Variants in IFRD2 observed in about 807,000 individuals in gnomAD.
IFRD2 encodes interferon-related developmental regulator 2.
IFRD2 carries 35 observed loss-of-function variants against 49.2 expected under a neutral mutation model. That is an observed-to-expected ratio of 0.71 (90% CI 0.54 to 0.94). IFRD2 has a LOEUF of 0.94. Among genes scored for constraint, IFRD2 ranks in the 40% least tolerant of loss-of-function variants. The pLI, the probability that IFRD2 is intolerant of heterozygous loss-of-function variation, is 0.00. For synonymous variants in IFRD2, 275 were observed against 239.7 expected (o/e 1.15, Z -1.36); for missense variants, 561 against 591.6 (o/e 0.95, Z 0.54).
At position 50,289,243 on chromosome 3, in the gene IFRD2, T is replaced by C; in HGVS notation, c.885+12A>G. 1 of 1,559,174 alleles carries C rather than the reference T, an allele frequency of 6.4e-7. No homozygotes were observed. The highest frequency in any genetic ancestry group is 8.7e-7 in the Non-Finnish European group (1 of 1,150,882). On this transcript the variant is annotated intron_variant, in intron 8 of 11. Coordinates refer to ENST00000417626, the MANE Select transcript of IFRD2 (RefSeq NM_006764.5). ...GGTGTCACCAAGCACCCCCCATCCTTGTCCCTCGCACCTCAAGGTCCCGGG... is the reference window on the plus strand; with the variant it reads ...GGTGTCACCAAGCACCCCCCATCCTCGTCCCTCGCACCTCAAGGTCCCGGG...
Position 50,287,960 on chromosome 3 carries a change from AT to A in IFRD2, c.*230del. The stretch of plus-strand genomic sequence containing the variant: ...CCCCACAGCCCTGAGGAAGGCACAT[AT>A]TTAGCCTGGCCTGAGACAGGACAGG... On this transcript the variant is annotated 3_prime_UTR_variant, in exon 12 of 12. Transcript: ENST00000417626. 1.8e-6 allele frequency: 1 copy of A among 545,300 alleles called. No individual in the cohort carries two copies. Among genetic ancestry groups the A allele is most frequent in the South Asian group, 2.1e-5 (1 of 47,070 alleles). 33.8% of individuals were successfully genotyped at this position (545,300 alleles called of 1,614,324 possible).
rs587765208 is a variant in IFRD2, at chr3:50,292,275, G to C, written c.-1C>G. 1.3e-6 allele frequency: 2 copies of C among 1,550,950 alleles called. No individual in the cohort carries two copies. The highest frequency in any genetic ancestry group is 2.0e-5 in the Admixed American group (1 of 50,256). On this transcript the variant is annotated 5_prime_UTR_variant, in exon 1 of 12. Transcript: ENST00000417626. ...TGTTGCCCTTACGGGCGCGAGGCAT[G>C]CCGGGAACCGGGCGCGGGGGGCGCG...
chr3:50,289,240 C>T lies in IFRD2; in HGVS notation c.885+15G>A, dbSNP rs1701621596. On this transcript the variant is annotated intron_variant, in intron 8 of 11. Coordinates refer to ENST00000417626, the MANE Select transcript of IFRD2 (RefSeq NM_006764.5). ...GGTGGTGTCACCAAGCACCCCCCAT[C>T]CTTGTCCCTCGCACCTCAAGGTCCC... 2 of 1,556,884 alleles carry T rather than the reference C, an allele frequency of 1.3e-6. No homozygotes were observed. Among genetic ancestry groups the T allele is most frequent in the Non-Finnish European group, 1.7e-6 (2 of 1,149,384 alleles).
intron 1 of IFRD2, 68 bp downstream of exon 1, chr3:50,292,149 C>A: frequency 7.1e-7 from 1 of 1,414,562 alleles, no homozygotes; most frequent in Non-Finnish European, 9.2e-7. Flanking sequence ...TCGAGAACAA[C>A]CAAGGGGATC....
At chr3:50,290,117 G>T in intron 4 of IFRD2, 31 bp from the exon 5 acceptor site, 1 of 1,612,502 alleles carries the variant, frequency 6.2e-7, no homozygotes, top group South Asian at 1.1e-5. Flanking sequence ...AGCCCATGCA[G>T]CAAGGGCCAG....
At chr3:50,288,308 G>A in intron 11 of IFRD2, 37 bp from the exon 12 acceptor site, 1 of 1,609,004 alleles carries the variant, frequency 6.2e-7, no homozygotes, top group Non-Finnish European at 8.5e-7. Context: ...CTGGGGAGCT[G>A]GGAAGGGAAA....
intron 1 of IFRD2, among the ~76,000 whole-genome samples, chr3:50,290,997 TC>T (rs1191776497): frequency 7.3e-6 from 1 of 137,552 alleles, no homozygotes; most frequent in Non-Finnish European, 1.5e-5. Context: ...TGGCCTCTGC[TC>T]CCCGCCACCT....
At chr3:50,291,714 G>A (rs1329188746) in intron 1 of IFRD2, 2 of 157,284 alleles carry the variant, frequency 1.3e-5, no homozygotes, top group African/African-American at 4.8e-5. Context: ...TAGGCTCCTG[G>A]TCTAAGCTGA....
At position 50,289,555 on chromosome 3, in the gene IFRD2, C is replaced by A. The variant is rs202222331; in HGVS notation, c.671G>T (p.Ser224Ile). ...RFYGLGGSSTSPVVPASLHGL... is the reference protein window; with the variant it reads ...RFYGLGGSSTIPVVPASLHGL... ...GTGCAGGCTGGCAGGAACCACAGGA[C>A]TTGTGGAGCTGCCCCCCAAGCCATA... The change falls in exon 7 of 12, where the codon AGT becomes ATT. Residue 224 changes from serine to isoleucine, a missense_variant. Physicochemically the swap from Ser to Ile is moderately radical, Grantham distance 142. Coordinates refer to ENST00000417626, the MANE Select transcript of IFRD2 (RefSeq NM_006764.5). 273 of 1,580,778 alleles carry A rather than the reference C, an allele frequency of 1.7e-4. No individual in the cohort carries two copies. Among genetic ancestry groups the A allele is most frequent in the African/African-American group, 2.2e-4 (16 of 74,162 alleles).
Position 50,287,843 on chromosome 3 carries a change from T to G in IFRD2, c.*348A>C. The G allele has an allele frequency of 3.5e-6, 1 of 287,430 alleles. No individual in the cohort carries two copies. Among genetic ancestry groups the G allele is most frequent in the Non-Finnish European group, 6.6e-6 (1 of 150,452 alleles). 17.8% of individuals were successfully genotyped at this position (287,430 alleles called of 1,614,324 possible). A position where few individuals can be genotyped will look rare whatever the true frequency, so the allele number is the denominator to read the frequency against. ...GCCACCCCACCTGCTGTGGTGGCAT[T>G]TGTCCAGATGCCACCACCCCCCTAA... is the stretch of plus-strand genomic sequence containing the variant. On this transcript the variant is annotated 3_prime_UTR_variant, in exon 12 of 12. Coordinates refer to ENST00000417626, the MANE Select transcript of IFRD2 (RefSeq NM_006764.5).
At chr3:50,291,940 G>A in intron 1 of IFRD2, 1 of 469,878 alleles carries the variant, frequency 2.1e-6, no homozygotes. Context: ...TGTCCGGTGA[G>A]TTTGTCCACC....
At position 50,288,534 on chromosome 3, in the gene IFRD2, C is replaced by T. The variant is rs114263230; in HGVS notation, c.1153-30G>A. 3,949 of 1,613,978 alleles carry T rather than the reference C, an allele frequency of 2.4e-3. 17 individuals are homozygous for T. The highest frequency in any genetic ancestry group is 7.8e-3 in the Middle Eastern group (47 of 6,060). On this transcript the variant is annotated intron_variant, in intron 10 of 11. Transcript: ENST00000417626. The stretch of plus-strand genomic sequence containing the variant: ...GGGGCAGAGGGCAGTGAGCTCAGGC[C>T]AGACTGAAGCAACCACACCAGATGT...
chr3:50,291,011 T>G (rs868949474), intron 1 of IFRD2, among the ~76,000 whole-genome samples: 5 of 143,118 alleles, frequency 3.5e-5, no homozygotes, highest in African/African-American at 1.3e-4. Flanking sequence ...CGCCACCTTT[T>G]TTTTTTTTTT....
In IFRD2 at chr3:50,289,763, C is replaced by A. The variant is rs1701635823; in HGVS notation, c.547-1G>T. 6.2e-7 allele frequency: 1 copy of A among 1,600,578 alleles called. No homozygotes were observed. Among genetic ancestry groups the A allele is most frequent in the Non-Finnish European group, 8.5e-7 (1 of 1,173,830 alleles). ...AGCCCAGGCCAAGGGCAGAAGCACA[C>A]TGTTGGGAGAAGGGCAATGCAATGC... On this transcript the variant is annotated splice_acceptor_variant, in intron 5 of 11. Transcript: ENST00000417626. LOFTEE classifies it high-confidence loss of function.
chr3:50,292,401 G>A lies in IFRD2; in HGVS notation c.-127C>T, dbSNP rs782521153. Reference sequence around the variant, plus strand: ...ACGACGGGAGCCACACGCCACGCGCGCCACCATCTTCGCGAGGCGCCCCGC... The same window carrying A: ...ACGACGGGAGCCACACGCCACGCGCACCACCATCTTCGCGAGGCGCCCCGC... On this transcript the variant is annotated 5_prime_UTR_variant, in exon 1 of 12. Coordinates refer to ENST00000417626, the MANE Select transcript of IFRD2 (RefSeq NM_006764.5). 4 of 1,591,826 alleles carry A rather than the reference G, an allele frequency of 2.5e-6. No individual in the cohort carries two copies. Among genetic ancestry groups the A allele is most frequent in the Admixed American group, 1.7e-5 (1 of 58,258 alleles).
intron 8 of IFRD2, 49 bp from the exon 9 acceptor site, chr3:50,288,986 G>T: frequency 1.3e-6 from 2 of 1,596,360 alleles, no homozygotes; most frequent in Non-Finnish European, 1.7e-6. Flanking sequence ...GAGCTCTGCT[G>T]GCTCTGAACA....
In IFRD2 at chr3:50,289,664, G is replaced by A. The variant is rs955629751; in HGVS notation, c.598-36C>T. The A allele has an allele frequency of 1.8e-5, 28 of 1,595,386 alleles. No homozygotes were observed. The East Asian group carries it at 6.2e-4, about 35-fold the overall frequency. On this transcript the variant is annotated intron_variant, in intron 6 of 11. Coordinates refer to ENST00000417626, the MANE Select transcript of IFRD2 (RefSeq NM_006764.5). Reference sequence around the variant, plus strand: ...AGAGAGGCAGGGGAGCTCAGAGGCAGAGTTACAGCCCTAGATGCTCTACCA... The same window carrying A: ...AGAGAGGCAGGGGAGCTCAGAGGCAAAGTTACAGCCCTAGATGCTCTACCA...
chr3:50,290,223 A>C lies in IFRD2; in HGVS notation c.335T>G (p.Leu112Trp). Residue 112 changes from leucine (L) to tryptophan (W), a missense_variant, in exon 4 of 12, where the codon TTG (leucine) becomes TGG (tryptophan). Physicochemically the swap from Leu to Trp is moderately conservative, Grantham distance 61 (BLOSUM62 -2). Coordinates refer to ENST00000417626, the MANE Select transcript of IFRD2 (RefSeq NM_006764.5). ...GGCTAGCGTGAGGCGGCGCTCCAGC[A>C]AGAAGTCGGGGAGTAGGCGGGACGC... Reference protein sequence around the residue: ...ALASRLLPDFLLERRLTLADA... With the variant: ...ALASRLLPDFWLERRLTLADA... The C allele has an allele frequency of 1.2e-6, 2 of 1,613,672 alleles. No homozygotes were observed.
In IFRD2 at chr3:50,290,600, T is replaced by A; in HGVS notation, c.138A>T (p.Glu46Asp). 6.2e-7 allele frequency: 1 copy of A among 1,613,998 alleles called. No individual in the cohort carries two copies. The highest frequency in any genetic ancestry group is 8.5e-7 in the Non-Finnish European group (1 of 1,179,882). ...AASEARSTAS[E>D]CPSLLSTTAE... ...CAGTGGTGCTGAGAAGGCTGGGGCA[T>A]TCACTGGCGGTGCTGCGGGCCTCAC... Residue 46 changes from glutamate to aspartate, a missense_variant, in exon 2 of 12, where the codon GAA (glutamate) becomes GAT (aspartate). Physicochemically the swap from Glu to Asp is conservative, Grantham distance 45. Coordinates refer to ENST00000417626, the MANE Select transcript of IFRD2 (RefSeq NM_006764.5).
Sources: allele counts gnomAD v4.1 joint callset (sites outside exome capture counted in the v4.1 genomes callset), GRCh38; gene constraint gnomAD v4.1.1; transcripts MANE v1.5; gene names NCBI Gene and HGNC (gene_info 2026-07-23, HGNC 2026-07-21).